NUP54: variants seen among roughly 807,000 people sequenced by gnomAD.
The protein encoded by NUP54 is nucleoporin p54.
Under a neutral mutation model 66.4 loss-of-function variants are expected in NUP54, and 27 were observed. The ratio of observed to expected loss-of-function variants is 0.41; its 90% CI spans 0.30 to 0.56. NUP54 has a LOEUF of 0.56. NUP54 is among the 20% of genes least tolerant of loss of function. The pLI, the probability that NUP54 is intolerant of heterozygous loss-of-function variation, is 0.34. For missense variants in NUP54, 486 were observed against 596.3 expected, an observed-to-expected ratio of 0.82 and a Z score of 1.93; for synonymous variants, 206 against 210.7, an observed-to-expected ratio of 0.98 and a Z score of 0.19.
chr4:76,142,595 A>G (rs1213661679), intron 3 of NUP54, among the ~76,000 whole-genome samples: 4 of 152,206 alleles, frequency 2.6e-5, no homozygotes, highest in African/African-American at 9.6e-5. Flanking sequence ...GGGGATAACA[A>G]AAGTATTATT....
At chr4:76,131,803 T>C (rs1730814886) in intron 6 of NUP54, among the ~76,000 whole-genome samples, 1 of 152,076 alleles carries the variant, frequency 6.6e-6, no homozygotes, top group South Asian at 2.1e-4. Context: ...AAGAAATATA[T>C]ACCAATGTGT....
chr4:76,130,169 A>C (rs1730741621), intron 8 of NUP54, among the ~76,000 whole-genome samples: 1 of 151,428 alleles, frequency 6.6e-6, no homozygotes, highest in African/African-American at 2.4e-5. Context: ...TTTAGTACAG[A>C]CCAGGTTTTG....
intron 8 of NUP54, among the ~76,000 whole-genome samples, chr4:76,128,681 T>C (rs1173197782): frequency 1.3e-5 from 2 of 152,110 alleles, no homozygotes; most frequent in African/African-American, 4.8e-5. Context: ...CATGAACAGA[T>C]GAATGGATAA....
At chr4:76,120,044 A>T (rs1422031961) in intron 9 of NUP54, among the ~76,000 whole-genome samples, 5 of 152,178 alleles carry the variant, frequency 3.3e-5, no homozygotes, top group African/African-American at 1.2e-4. Flanking sequence ...TGCTTTTTAA[A>T]TGTTATTAAC....
chr4:76,129,732 G>A (rs1394118371), intron 8 of NUP54, among the ~76,000 whole-genome samples: 1 of 151,702 alleles, frequency 6.6e-6, no homozygotes, highest in East Asian at 2.0e-4. Flanking sequence ...GGGCGTGGTG[G>A]CAGGCGCCTG....
intron 9 of NUP54, 119 bp from the exon 10 acceptor site, chr4:76,118,313 A>G (rs879840987): frequency 3.3e-5 from 28 of 852,662 alleles, no homozygotes; most frequent in Non-Finnish European, 5.0e-5. Flanking sequence ...GTAGGGTTCA[A>G]CAGTTCAGGA....
chr4:76,118,162 A>C lies in NUP54; in HGVS notation c.1197T>G (p.Ser399Arg). The C allele has an allele frequency of 2.5e-6, 4 of 1,613,396 alleles. No individual in the cohort carries two copies. Among genetic ancestry groups the C allele is most frequent in the Non-Finnish European group, 3.4e-6 (4 of 1,179,492 alleles). The change falls in exon 10 of 12, where the codon AGT (serine) becomes AGG (arginine). Residue 399 changes from serine to arginine, a missense_variant. Ser to Arg is a moderately radical substitution (Grantham distance 110, BLOSUM62 -1). Transcript: ENST00000264883. ...CTTCATCAGCCTGAATGGCATAACC[A>C]CTCTTCCTTTGAATTTCCTGTTTGA... ...VLIKQEIQRK[S>R]GYAIQADEEQ...
chr4:76,143,530 G>C (rs1731354970), intron 3 of NUP54, among the ~76,000 whole-genome samples: 1 of 152,194 alleles, frequency 6.6e-6, no homozygotes, highest in South Asian at 2.1e-4. Context: ...CTTGAACCTG[G>C]GAGGCGGAGG....
chr4:76,120,050 TTAACCAA>T (rs1730160320), intron 9 of NUP54, among the ~76,000 whole-genome samples: 2 of 152,224 alleles, frequency 1.3e-5, no homozygotes, highest in Non-Finnish European at 1.5e-5. Flanking sequence ...TTAAATGTTA[TTAACCAA>T]TAATCAATAA....
At chr4:76,146,905 C>A (rs1272465681) in intron 1 of NUP54, among the ~76,000 whole-genome samples, 1 of 152,114 alleles carries the variant, frequency 6.6e-6, no homozygotes, top group Admixed American at 6.5e-5. Flanking sequence ...TCCCAAAATT[C>A]CAGCAAAGAA....
intron 9 of NUP54, among the ~76,000 whole-genome samples, chr4:76,119,838 T>C (rs1016343393): frequency 2.0e-5 from 3 of 152,106 alleles, no homozygotes; most frequent in Non-Finnish European, 4.4e-5. Flanking sequence ...CCTATAACCA[T>C]ATCTTTTTCA....
chr4:76,136,943 T>C (rs1257210163), intron 3 of NUP54, among the ~76,000 whole-genome samples: 1 of 152,188 alleles, frequency 6.6e-6, no homozygotes, highest in African/African-American at 2.4e-5. Context: ...ATGGCAGCAA[T>C]AGGAAACTAA....
At chr4:76,123,952 AAC>A (rs1730349764) in intron 9 of NUP54, among the ~76,000 whole-genome samples, 1 of 152,212 alleles carries the variant, frequency 6.6e-6, no homozygotes, top group Admixed American at 6.5e-5. Context: ...TTTTCAAAGA[AAC>A]AGTTTTTTAA....
intron 5 of NUP54, 64 bp from the exon 6 acceptor site, chr4:76,132,783 A>T: frequency 1.3e-5 from 15 of 1,178,336 alleles, no homozygotes; most frequent in Non-Finnish European, 1.8e-5. Context: ...AAACCTCAGC[A>T]TATCATAGCA....
chr4:76,139,554 G>A (rs553651502), intron 3 of NUP54, among the ~76,000 whole-genome samples: 2 of 152,240 alleles, frequency 1.3e-5, no homozygotes, highest in Non-Finnish European at 1.5e-5. Context: ...GAACTTAAGG[G>A]ACATGACAAG....
intron 4 of NUP54, among the ~76,000 whole-genome samples, chr4:76,135,951 C>T (rs867033447): frequency 6.6e-6 from 1 of 152,048 alleles, no homozygotes; most frequent in African/African-American, 2.4e-5. Flanking sequence ...TTTTTTTCTT[C>T]AGTTATAAAT....
At chr4:76,124,055 T>C (rs2109863381) in intron 9 of NUP54, among the ~76,000 whole-genome samples, 1 of 152,290 alleles carries the variant, frequency 6.6e-6, no homozygotes, top group African/African-American at 2.4e-5. Context: ...TATCTTGATA[T>C]TCCTTTTCTA....
intron 1 of NUP54, chr4:76,147,977 G>A (rs1731582997): frequency 2.9e-6 from 1 of 339,778 alleles, no homozygotes; most frequent in African/African-American, 2.1e-5. Context: ...GAGGTGCAGA[G>A]GGGAGGGAGG....
At chr4:76,139,548 T>G (rs1200582342) in intron 3 of NUP54, among the ~76,000 whole-genome samples, 1 of 152,092 alleles carries the variant, frequency 6.6e-6, no homozygotes, top group Non-Finnish European at 1.5e-5. Context: ...TAAAAAGAAC[T>G]TAAGGGACAT....
Sources: allele counts gnomAD v4.1 joint callset (sites outside exome capture counted in the v4.1 genomes callset), GRCh38; gene constraint gnomAD v4.1.1; transcripts MANE v1.5; gene names NCBI Gene and HGNC (gene_info 2026-07-23, HGNC 2026-07-21).